GRAP2: variants seen among roughly 807,000 people sequenced by gnomAD.
GRAP2 encodes the protein GRB2 related adaptor protein 2.
GRAP2 carries 31 observed loss-of-function variants against 43.5 expected under a neutral mutation model. The ratio of observed to expected loss-of-function variants is 0.71; its 90% confidence interval spans 0.54 to 0.96. The LOEUF (loss-of-function observed/expected upper bound fraction) is 0.96, where lower values mean the gene tolerates loss of function less well. Among genes scored for constraint, GRAP2 ranks in the 40% least tolerant of loss-of-function variants. The probability of loss-of-function intolerance (pLI) is 0.00; values close to 1 mark genes in which losing one functional copy is unlikely to be tolerated. For synonymous variants in GRAP2, 156 were observed against 164.8 expected (o/e 0.95, Z 0.41); for missense variants, 371 against 424.4 (o/e 0.87, Z 1.11).
At chr22:39,923,077 A>G (rs1166797004) in intron 1 of GRAP2, among the ~76,000 whole-genome samples, 1 of 152,014 alleles carries the variant, frequency 6.6e-6, no homozygotes, top group Non-Finnish European at 1.5e-5. Flanking sequence ...TTTAAAATAT[A>G]GTGTTTAGAG....
rs145455701 is a variant in GRAP2, at chr22:39,932,354, C to A, written c.-14-14739C>A. ...TTGGTGAGGTGTACATTTTCTTATT[C>A]ATACTTCCTGCGAGCCACAACATGT... On this transcript the variant is annotated intron_variant, in intron 1 of 7. Transcript: ENST00000344138. Among the ~76,000 whole-genome samples the A allele has an allele frequency of 3.9e-5, 6 of 152,200 alleles. No individual in the cohort carries two copies. In the East Asian group the frequency reaches 1.2e-3, roughly 29 times the overall value.
At chr22:39,948,835 G>A (rs1253862959) in intron 2 of GRAP2, among the ~76,000 whole-genome samples, 2 of 152,112 alleles carry the variant, frequency 1.3e-5, no homozygotes, top group Non-Finnish European at 2.9e-5. Context: ...CCCTCTCCGG[G>A]TTCTTCTCCT....
At chr22:39,951,693 C>T (rs902522828) in intron 2 of GRAP2, among the ~76,000 whole-genome samples, 4 of 152,062 alleles carry the variant, frequency 2.6e-5, no homozygotes, top group Non-Finnish European at 4.4e-5. Context: ...TAGGGGGAAC[C>T]GAACAGATGG....
chr22:39,905,008 C>T (rs539979022), intron 1 of GRAP2, among the ~76,000 whole-genome samples: 2 of 152,142 alleles, frequency 1.3e-5, no homozygotes, highest in African/African-American at 4.8e-5. Flanking sequence ...TGCATCTTAT[C>T]AGGAGGTACA....
intron 4 of GRAP2, 96 bp downstream of exon 4, chr22:39,960,270 G>A: frequency 2.5e-6 from 3 of 1,216,282 alleles, no homozygotes; most frequent in Non-Finnish European, 3.6e-6. Flanking sequence ...ATGACCCAAT[G>A]GTCAGAAGCA....
intron 5 of GRAP2, among the ~76,000 whole-genome samples, chr22:39,967,284 A>G (rs930999708): frequency 1.2e-4 from 18 of 152,218 alleles, no homozygotes; most frequent in Non-Finnish European, 2.5e-4. Flanking sequence ...AACAAAGGCT[A>G]GCCAAGACCT....
upstream of GRAP2, among the ~76,000 whole-genome samples, chr22:39,897,935 A>G (rs573883765): frequency 1.3e-5 from 2 of 151,968 alleles, no homozygotes; most frequent in East Asian, 3.9e-4. Context: ...AGATCATACT[A>G]CTCCCCAGTT....
the GRAP2 span, chr22:39,893,956 A>ATT: frequency 3.3e-5 from 5 of 151,594 alleles, no homozygotes; most frequent in African/African-American, 1.2e-4. Flanking sequence ...TCAAAGAATA[A>ATT]ATTTTTTTTT....
At chr22:39,942,165 A>C (rs1000677336) in intron 1 of GRAP2, among the ~76,000 whole-genome samples, 1 of 152,206 alleles carries the variant, frequency 6.6e-6, no homozygotes, top group Non-Finnish European at 1.5e-5. Context: ...TAACTTTTCA[A>C]GAATATACCT....
intron 2 of GRAP2, among the ~76,000 whole-genome samples, chr22:39,955,379 A>C (rs2067036844): frequency 6.6e-6 from 1 of 150,820 alleles, no homozygotes; most frequent in South Asian, 2.1e-4. Context: ...AACAACAACA[A>C]AAAAAAGAGA....
intron 2 of GRAP2, among the ~76,000 whole-genome samples, chr22:39,951,594 C>T (rs1330400820): frequency 6.6e-6 from 1 of 152,058 alleles, no homozygotes; most frequent in Non-Finnish European, 1.5e-5. Context: ...TCTTAGGGAA[C>T]ATTATAAGAA....
intron 1 of GRAP2, among the ~76,000 whole-genome samples, chr22:39,904,731 T>C (rs919917677): frequency 2.0e-5 from 3 of 152,224 alleles, no homozygotes; most frequent in Admixed American, 2.0e-4. Flanking sequence ...AAATGTCTTC[T>C]ATACCATTTT....
At chr22:39,912,597 G>A (rs370482722) in intron 1 of GRAP2, among the ~76,000 whole-genome samples, 3 of 152,258 alleles carry the variant, frequency 2.0e-5, no homozygotes, top group African/African-American at 4.8e-5. Context: ...GCACAGGATG[G>A]GCCCCCACAA....
intron 7 of GRAP2, among the ~76,000 whole-genome samples, chr22:39,969,976 T>G (rs1342363633): frequency 1.3e-5 from 2 of 152,198 alleles, no homozygotes; most frequent in Non-Finnish European, 1.5e-5. Context: ...GATGGAATGT[T>G]TGGGGAGGCC....
intron 1 of GRAP2, among the ~76,000 whole-genome samples, chr22:39,923,880 G>A: frequency 6.6e-6 from 1 of 152,212 alleles, no homozygotes; most frequent in East Asian, 1.9e-4. Flanking sequence ...CATATTGGCA[G>A]GGCTCAGCTT....
Position 39,926,121 on chromosome 22 carries a change from C to G in GRAP2, c.-14-20972C>G, listed in dbSNP as rs1237651526. On this transcript the variant is annotated intron_variant, in intron 1 of 7. Coordinates refer to ENST00000344138, the MANE Select transcript of GRAP2 (RefSeq NM_004810.4). ...CTGTGGGTATGCATCATTGAATACT[C>G]AGCATCTAGCACGGTGCCTGGTACA... 2.6e-5 allele frequency among the ~76,000 whole-genome samples: 4 copies of G among 152,360 alleles called. No individual in the cohort carries two copies. The East Asian group carries it at 7.7e-4, about 29-fold the overall frequency.
At chr22:39,933,019 A>AG (rs963062524) in intron 1 of GRAP2, among the ~76,000 whole-genome samples, 41 of 152,354 alleles carry the variant, frequency 2.7e-4, no homozygotes, top group African/African-American at 7.5e-4. Flanking sequence ...GCACTGAGCA[A>AG]GGGGTAGATA....
chr22:39,941,233 A>C (rs1274595489), intron 1 of GRAP2, among the ~76,000 whole-genome samples: 1 of 152,238 alleles, frequency 6.6e-6, no homozygotes, highest in Non-Finnish European at 1.5e-5. Context: ...AATCTAAGAA[A>C]AAATAACAAC....
At chr22:39,894,410 A>G in the GRAP2 span, among the ~76,000 whole-genome samples, 1 of 97,188 alleles carries the variant, frequency 1.0e-5, no homozygotes, top group Non-Finnish European at 1.9e-5. Flanking sequence ...CACTCTGGGG[A>G]CTGTTGTGGG....
Sources: gnomAD v4.1 joint callset for allele counts (sites outside exome capture counted in the v4.1 genomes callset) on GRCh38, gnomAD v4.1.1 for gene constraint, MANE v1.5 for transcripts, NCBI Gene and HGNC (gene_info 2026-07-23, HGNC 2026-07-21) for gene names.